Variants in MYOM3 observed in about 807,000 individuals in gnomAD.
MYOM3 encodes the protein myomesin-3.
A neutral mutation model predicts 191.7 loss-of-function variants in MYOM3; 155 were observed. That is an observed-to-expected ratio of 0.81 (90% CI 0.71 to 0.92). The LOEUF (loss-of-function observed/expected upper bound fraction) is 0.92, where lower values mean the gene tolerates loss of function less well. MYOM3 is among the 40% of genes least tolerant of loss of function. The pLI is 0.00. For synonymous variants in MYOM3, 757 were observed against 762.9 expected (o/e 0.99, Z 0.13); for missense variants, 1,889 against 1,890.6 (o/e 1.00, Z 0.02).
Position 24,082,675 on chromosome 1 carries a change from C to T in MYOM3, c.2010G>A (p.Glu670=), listed in dbSNP as rs4320728. The T allele has an allele frequency of 0.14, 220,542 of 1,610,922 alleles. 16,899 individuals carry two copies. The highest frequency in any genetic ancestry group is 0.25 in the Middle Eastern group (1,541 of 6,046). Residue 670 remains glutamate, a synonymous_variant, in exon 17 of 37, where the codon GAG becomes GAA. Transcript: ENST00000374434. The part of the protein sequence containing the change: ...VPGLRTGKEY[E]FCVRSVSEAG... ...CCTCGCTGACTGACCTGACACAAAA[C>T]TCGTACTCCTTCCCCGTCCTCAGCC...
rs1380074741 is a variant in MYOM3 at position 24,111,728 on chromosome 1, G to T, written c.-19+303C>A. Among the ~76,000 whole-genome samples, 1 of 151,896 alleles carries T rather than the reference G, an allele frequency of 6.6e-6. No homozygotes were observed. The highest frequency in any genetic ancestry group is 1.5e-5 in the Non-Finnish European group (1 of 67,984). ...ATCACAGGAAAGACTCCAGTTCCCA[G>T]GGCAGCCCCCACTCTTTTTTTTTTT... On this transcript the variant is annotated intron_variant, in intron 1 of 36. Transcript: ENST00000374434. This position sits in a 1 kb window ranked among gnomAD's most constrained non-coding sequence, Gnocchi z 4.7.
chr1:24,089,005 C>G (rs1035973167), intron 14 of MYOM3, among the ~76,000 whole-genome samples: 1 of 152,062 alleles, frequency 6.6e-6, no homozygotes, highest in Non-Finnish European at 1.5e-5. Context: ...TGCCATACTG[C>G]CCCCCCTCCA....
chr1:24,064,233 C>T, intron 29 of MYOM3, 74 bp from the exon 30 acceptor site: 1 of 1,227,192 alleles, frequency 8.1e-7, no homozygotes, highest in Non-Finnish European at 1.2e-6. Flanking sequence ...ATCCGGAGGC[C>T]TGGGCTCCAG....
At chr1:24,077,640 C>T (rs1339873229) in intron 20 of MYOM3, among the ~76,000 whole-genome samples, 1 of 152,238 alleles carries the variant, frequency 6.6e-6, no homozygotes, top group African/African-American at 2.4e-5. Flanking sequence ...ATTTATCACG[C>T]AGTATTGTTA....
intron 9 of MYOM3, among the ~76,000 whole-genome samples, chr1:24,093,810 C>T (rs1372221167): frequency 6.6e-6 from 1 of 152,198 alleles, no homozygotes; most frequent in East Asian, 1.9e-4. Flanking sequence ...GGCTCCCATA[C>T]TCCCTGCTCC....
At chr1:24,061,774 G>T (rs1055369864) in intron 33 of MYOM3, among the ~76,000 whole-genome samples, 172 bp downstream of exon 33, 2 of 151,854 alleles carry the variant, frequency 1.3e-5, no homozygotes, top group Non-Finnish European at 2.9e-5. Flanking sequence ...TAGGAATGTT[G>T]CCCAGGCTGG....
At chr1:24,104,984 C>T (rs1188690350) in intron 5 of MYOM3, among the ~76,000 whole-genome samples, 1 of 152,218 alleles carries the variant, frequency 6.6e-6, no homozygotes, top group Admixed American at 6.5e-5. Context: ...GTAGCTTAGC[C>T]ATGTGAATGA....
intron 2 of MYOM3, 75 bp downstream of exon 2, chr1:24,108,401 A>G: frequency 2.1e-6 from 3 of 1,403,118 alleles, no homozygotes; most frequent in Non-Finnish European, 2.8e-6. Flanking sequence ...CCAGAGGGCT[A>G]GGCTGGGCCT....
chr1:24,086,522 A>G, intron 15 of MYOM3, 122 bp downstream of exon 15: 2 of 1,000,896 alleles, frequency 2.0e-6, no homozygotes, highest in South Asian at 3.3e-5. Flanking sequence ...ATTGCTTTTC[A>G]GCTTCATGAT....
At chr1:24,086,018 G>A (rs1643733757) in intron 15 of MYOM3, among the ~76,000 whole-genome samples, 1 of 152,158 alleles carries the variant, frequency 6.6e-6, no homozygotes, top group Admixed American at 6.5e-5. Flanking sequence ...TCTGATGAGA[G>A]GGTAAAGAAC....
At chr1:24,108,194 C>T in intron 2 of MYOM3, 121 bp from the exon 3 acceptor site, 1 of 929,176 alleles carries the variant, frequency 1.1e-6, no homozygotes, top group Non-Finnish European at 1.6e-6. Flanking sequence ...GTGCCTCCCT[C>T]CTCATACTGG....
At chr1:24,072,304 A>G (rs1295840799) in intron 23 of MYOM3, among the ~76,000 whole-genome samples, 1 of 152,046 alleles carries the variant, frequency 6.6e-6, no homozygotes, top group Non-Finnish European at 1.5e-5. Flanking sequence ...AGCACCTACC[A>G]TGTGCCTGGT....
intron 13 of MYOM3, 52 bp downstream of exon 13, chr1:24,090,013 A>C: frequency 6.4e-7 from 1 of 1,572,476 alleles, no homozygotes; most frequent in Non-Finnish European, 8.8e-7. Flanking sequence ...CTCATGTCCC[A>C]GAGTTTTGAG....
intron 20 of MYOM3, among the ~76,000 whole-genome samples, chr1:24,079,226 G>T (rs1442284388): frequency 6.6e-6 from 1 of 152,032 alleles, no homozygotes; most frequent in Admixed American, 6.6e-5. Context: ...TTGAGACAGG[G>T]TCTTGCTCTG....
rs749536495 is a variant in MYOM3 at position 24,090,823 on chromosome 1, T to C, written c.1406A>G (p.Asp469Gly). The change falls in exon 12 of 37, where the codon GAC becomes GGC. Residue 469 changes from aspartate to glycine, a missense_variant. Coordinates refer to ENST00000374434, the MANE Select transcript of MYOM3 (RefSeq NM_152372.4). ...SKASELVVMG[D>G]HDAARRKTEI... ...TGTCTTCCTCCGGGCTGCATCATGGTCACCCATGACAACCAACTCTGAGGC... is the reference window on the plus strand; with the variant it reads ...TGTCTTCCTCCGGGCTGCATCATGGCCACCCATGACAACCAACTCTGAGGC... The C allele has an allele frequency of 6.2e-7, 1 of 1,614,082 alleles. No homozygotes were observed.
chr1:24,105,990 C>T lies in MYOM3; in HGVS notation c.490G>A (p.Ala164Thr), dbSNP rs758279802. The change falls in exon 5 of 37, where the codon GCC (alanine) becomes ACC (threonine). Residue 164 changes from alanine to threonine, a missense_variant. Transcript: ENST00000374434. Reference protein sequence around the residue: ...PWFWIPLRSHAVWEHTTVLLT... With the variant: ...PWFWIPLRSHTVWEHTTVLLT... Reference sequence around the variant, plus strand: ...AGGACCGTGGTGTGCTCCCAGACGGCGTGGGAGCGAAGAGGGATCCAGAAC... The same window carrying T: ...AGGACCGTGGTGTGCTCCCAGACGGTGTGGGAGCGAAGAGGGATCCAGAAC... The T allele has an allele frequency of 2.0e-5, 32 of 1,613,880 alleles. No individual in the cohort carries two copies. The highest frequency in any genetic ancestry group is 2.2e-5 in the Non-Finnish European group (26 of 1,179,910).
At chr1:24,069,171 C>T (rs1643492265) in intron 25 of MYOM3, among the ~76,000 whole-genome samples, 1 of 152,136 alleles carries the variant, frequency 6.6e-6, no homozygotes, top group Non-Finnish European at 1.5e-5. Context: ...ATTTCATTTT[C>T]CTCATCTAGG....
At chr1:24,072,072 G>C (rs935530471) in intron 23 of MYOM3, 59 bp from the exon 24 acceptor site, 4 of 1,563,738 alleles carry the variant, frequency 2.6e-6, no homozygotes, top group Middle Eastern at 3.4e-4. Context: ...GGTCGGGGGT[G>C]GGGGGCCCAC....
rs749283725 is a variant in MYOM3 at position 24,058,997 on chromosome 1, G to C, written c.3995-18C>G. 145 of 1,599,998 alleles carry C rather than the reference G, an allele frequency of 9.1e-5. 2 individuals carry two copies. The Admixed American group carries it at 2.4e-3, about 27-fold the overall frequency. ...GGCACGATCTGGAAGGGAAATAAGA[G>C]ACCCCAGCGATGAATCCTTTTCTGC... On this transcript the variant is annotated intron_variant, in intron 35 of 36. Coordinates refer to ENST00000374434, the MANE Select transcript of MYOM3 (RefSeq NM_152372.4).
Sources: allele counts gnomAD v4.1 joint callset (sites outside exome capture counted in the v4.1 genomes callset), GRCh38; gene constraint gnomAD v4.1.1; non-coding constraint Gnocchi (gnomAD v3.1); transcripts MANE v1.5; gene names NCBI Gene and HGNC (gene_info 2026-07-23, HGNC 2026-07-21).